UBE2E2: variants seen among roughly 807,000 people sequenced by gnomAD.
The protein encoded by UBE2E2 is ubiquitin-conjugating enzyme E2 E2.
A neutral mutation model predicts 24.7 loss-of-function variants in UBE2E2; 6 were observed. The ratio of observed to expected loss-of-function variants is 0.24; its 90% CI spans 0.13 to 0.48. The LOEUF is 0.48. Ranked by LOEUF, UBE2E2 falls within the 20% of genes least tolerant of loss-of-function variation. The pLI, the probability that UBE2E2 is intolerant of heterozygous loss-of-function variation, is 0.99. For synonymous variants in UBE2E2, 104 were observed against 83.6 expected, an observed-to-expected ratio of 1.24 and a Z score of -1.33; for missense variants, 169 against 245.0, an observed-to-expected ratio of 0.69 and a Z score of 2.07.
intron 5 of UBE2E2, among the ~76,000 whole-genome samples, chr3:23,580,857 C>A (rs1383374849): frequency 6.6e-6 from 1 of 151,608 alleles, no homozygotes; most frequent in Non-Finnish European, 1.5e-5. Context: ...TTTTTTATTG[C>A]ATATTTTAAT....
At chr3:23,548,665 T>G (rs1277667419) in intron 5 of UBE2E2, among the ~76,000 whole-genome samples, 31 of 152,222 alleles carry the variant, frequency 2.0e-4, no homozygotes, top group Admixed American at 2.0e-3. Flanking sequence ...GTTTCTCTTC[T>G]CTTTTCTTAT....
rs551916606 is a variant in UBE2E2, at chr3:23,204,173, C to G, written c.-9+709C>G. 1.8e-3 allele frequency among the ~76,000 whole-genome samples: 252 copies of G among 138,364 alleles called. 1 individual carries two copies. Among genetic ancestry groups the G allele is most frequent in the African/African-American group, 6.4e-3 (242 of 37,980 alleles). The allele number at this position is 138,364 out of a possible 152,430, so 90.8% of individuals were successfully genotyped here. A position where few individuals can be genotyped will look rare whatever the true frequency, so the allele number is the denominator to read the frequency against. Reference sequence around the variant, plus strand: ...CACTTCTCCCCCTCTTTTCTCCGATCTCTCTCATAATGTTTTGATCTTTTT... The same window carrying G: ...CACTTCTCCCCCTCTTTTCTCCGATGTCTCTCATAATGTTTTGATCTTTTT... On this transcript the variant is annotated intron_variant, in intron 1 of 5. Transcript: ENST00000396703.
intron 3 of UBE2E2, among the ~76,000 whole-genome samples, chr3:23,384,861 C>T (rs755460014): frequency 7.9e-5 from 12 of 152,128 alleles, no homozygotes; most frequent in Admixed American, 3.3e-4. Context: ...ATTTTTAAAA[C>T]CAGACTCATT....
intron 3 of UBE2E2, among the ~76,000 whole-genome samples, chr3:23,435,961 T>C (rs189890177): frequency 6.6e-6 from 1 of 152,148 alleles, no homozygotes; most frequent in Non-Finnish European, 1.5e-5. Flanking sequence ...CAAGCGTTAG[T>C]TAGATTCTCA....
chr3:23,578,670 G>A (rs1433653846), intron 5 of UBE2E2, among the ~76,000 whole-genome samples: 1 of 152,076 alleles, frequency 6.6e-6, no homozygotes, highest in Non-Finnish European at 1.5e-5. Flanking sequence ...CAGCAAACTA[G>A]CACAGAAACA....
At chr3:23,399,917 A>G (rs147590006) in intron 3 of UBE2E2, among the ~76,000 whole-genome samples, 1 of 152,276 alleles carries the variant, frequency 6.6e-6, no homozygotes, top group African/African-American at 2.4e-5. Context: ...TTGCATCTTT[A>G]TTTGGCATTT....
intron 2 of UBE2E2, among the ~76,000 whole-genome samples, chr3:23,214,393 A>G (rs1431598448): frequency 1.3e-5 from 2 of 151,970 alleles, no homozygotes; most frequent in Non-Finnish European, 2.9e-5. Context: ...AACTGGGACT[A>G]TAAGCACACA....
intron 3 of UBE2E2, among the ~76,000 whole-genome samples, chr3:23,235,148 T>A (rs1419202201): frequency 2.0e-5 from 3 of 152,182 alleles, no homozygotes; most frequent in Non-Finnish European, 4.4e-5. Flanking sequence ...GACTGGAACT[T>A]GTTTAAAAAC....
intron 3 of UBE2E2, among the ~76,000 whole-genome samples, chr3:23,246,822 C>T (rs1260685975): frequency 1.3e-5 from 2 of 152,140 alleles, no homozygotes; most frequent in Non-Finnish European, 2.9e-5. Flanking sequence ...GGATCATTGC[C>T]TGGCATATAG....
chr3:23,344,386 G>C (rs13076527), intron 3 of UBE2E2, among the ~76,000 whole-genome samples: 1 of 152,008 alleles, frequency 6.6e-6, no homozygotes, highest in African/African-American at 2.4e-5. Context: ...AAGCCTTAGA[G>C]CCACAAAAAC....
chr3:23,287,539 C>G (rs1334821952), intron 3 of UBE2E2, among the ~76,000 whole-genome samples: 1 of 151,940 alleles, frequency 6.6e-6, no homozygotes, highest in East Asian at 1.9e-4. Context: ...GGCCTTGAAG[C>G]CATCAGGTTC....
intron 3 of UBE2E2, among the ~76,000 whole-genome samples, chr3:23,307,354 A>G (rs955393159): frequency 1.3e-5 from 2 of 152,122 alleles, no homozygotes; most frequent in African/African-American, 4.8e-5. Flanking sequence ...TTAATTGTGG[A>G]CCAGGTTACT....
chr3:23,431,953 T>TC (rs1329959177), intron 3 of UBE2E2, among the ~76,000 whole-genome samples: 4 of 152,188 alleles, frequency 2.6e-5, no homozygotes, highest in Admixed American at 6.5e-5. Flanking sequence ...AAATAAGCTC[T>TC]CACAGACAGG....
chr3:23,324,952 A>C (rs1038705030), intron 3 of UBE2E2, among the ~76,000 whole-genome samples: 15 of 152,318 alleles, frequency 9.8e-5, no homozygotes, highest in East Asian at 1.9e-4. Context: ...TCTGTTCAAC[A>C]AACCACAGTG....
chr3:23,316,830 C>G (rs938856712), intron 3 of UBE2E2, among the ~76,000 whole-genome samples: 1 of 152,004 alleles, frequency 6.6e-6, no homozygotes, highest in African/African-American at 2.4e-5. Flanking sequence ...TGAATCCTGA[C>G]AGGACTGGGT....
At chr3:23,358,525 G>A (rs555960183) in intron 3 of UBE2E2, among the ~76,000 whole-genome samples, 36 of 152,096 alleles carry the variant, frequency 2.4e-4, no homozygotes, top group Non-Finnish European at 3.4e-4. Flanking sequence ...CAATAAGTAC[G>A]TTTGCAAAAA....
At chr3:23,316,376 C>T (rs1435060099) in intron 3 of UBE2E2, among the ~76,000 whole-genome samples, 3 of 151,990 alleles carry the variant, frequency 2.0e-5, no homozygotes, top group African/African-American at 7.2e-5. Context: ...GCAGAGGAGT[C>T]TCTCCCTGGT....
chr3:23,254,973 A>C (rs1462682039), intron 3 of UBE2E2, among the ~76,000 whole-genome samples: 1 of 152,094 alleles, frequency 6.6e-6, no homozygotes. Flanking sequence ...AAAGTAATGA[A>C]AAGGATAAGC....
chr3:23,576,819 C>T (rs554310981), intron 5 of UBE2E2, among the ~76,000 whole-genome samples: 5 of 152,172 alleles, frequency 3.3e-5, no homozygotes, highest in South Asian at 4.2e-4. Flanking sequence ...TGCATGGGCT[C>T]CCGTCCAGTG....
Sources: gnomAD v4.1 joint callset for allele counts (sites outside exome capture counted in the v4.1 genomes callset) on GRCh38, gnomAD v4.1.1 for gene constraint, MANE v1.5 for transcripts, NCBI Gene and HGNC (gene_info 2026-07-23, HGNC 2026-07-21) for gene names.